KLRG1: variants seen among roughly 807,000 people sequenced by gnomAD.
KLRG1 encodes killer cell lectin like receptor G1.
In KLRG1, 16 loss-of-function variants were observed where a neutral mutation model predicts 21.8. The observed-to-expected ratio is 0.73, with a 90% CI of 0.50 to 1.11. The LOEUF is 1.11. KLRG1 is among the 50% of genes most tolerant of loss of function. The pLI is 0.00. For synonymous variants in KLRG1, 69 were observed against 75.9 expected (o/e 0.91, Z 0.47); for missense variants, 173 against 218.3 (o/e 0.79, Z 1.31).
the KLRG1 span, among the ~76,000 whole-genome samples, chr12:9,118,151 G>A: frequency 6.6e-6 from 1 of 152,192 alleles, no homozygotes; most frequent in African/African-American, 2.4e-5. Flanking sequence ...GGAAACATCT[G>A]TTTCATATAC....
the KLRG1 span, among the ~76,000 whole-genome samples, chr12:9,120,865 G>A: frequency 1.3e-5 from 2 of 150,776 alleles, no homozygotes; most frequent in Non-Finnish European, 3.0e-5. Flanking sequence ...GTGTGTGTGT[G>A]TGTGTGTGTG....
chr12:9,001,132 G>T (rs1012362830), intron 3 of KLRG1, among the ~76,000 whole-genome samples: 5 of 152,082 alleles, frequency 3.3e-5, no homozygotes, highest in African/African-American at 1.2e-4. Flanking sequence ...CAAGTAATAT[G>T]CTCTATATTT....
At chr12:9,055,559 A>T in the KLRG1 span, 2 of 152,270 alleles carry the variant, frequency 1.3e-5, no homozygotes, top group East Asian at 1.9e-4. Flanking sequence ...CATGGAGTAA[A>T]TTTGCATTAA....
chr12:9,184,207 A>C, the KLRG1 span, among the ~76,000 whole-genome samples: 1 of 152,172 alleles, frequency 6.6e-6, no homozygotes, highest in African/African-American at 2.4e-5. Flanking sequence ...CTCCTACCAC[A>C]CAGCCACTGA....
At chr12:9,160,153 A>T in the KLRG1 span, 1 of 1,139,038 alleles carries the variant, frequency 8.8e-7, no homozygotes, top group South Asian at 1.5e-5. Context: ...AGTTTTGTGA[A>T]TGTTATGGAT....
the KLRG1 span, among the ~76,000 whole-genome samples, chr12:9,146,413 A>C: frequency 6.6e-6 from 1 of 152,040 alleles, no homozygotes; most frequent in African/African-American, 2.4e-5. Flanking sequence ...CTCACTGCTC[A>C]TACATTGTTC....
downstream of KLRG1, among the ~76,000 whole-genome samples, chr12:9,014,211 A>G (rs898568344): frequency 2.0e-5 from 3 of 152,206 alleles, no homozygotes; most frequent in African/African-American, 7.2e-5. Context: ...AGGGATAACA[A>G]CAGGGAACTC....
the KLRG1 span, among the ~76,000 whole-genome samples, chr12:9,165,748 C>G: frequency 1.3e-5 from 2 of 152,198 alleles, no homozygotes; most frequent in African/African-American, 4.8e-5. Context: ...TGTGCCTGCT[C>G]CAGCCCTGAT....
the KLRG1 span, among the ~76,000 whole-genome samples, chr12:9,211,224 T>C: frequency 8.5e-5 from 13 of 152,184 alleles, no homozygotes; most frequent in Non-Finnish European, 1.6e-4. Context: ...CTTCTAGGAC[T>C]CCCATAATAT....
chr12:9,182,362 A>G, the KLRG1 span, among the ~76,000 whole-genome samples: 4 of 152,132 alleles, frequency 2.6e-5, no homozygotes, highest in African/African-American at 9.7e-5. Context: ...TTTTTATTTG[A>G]TATTCCACTT....
At chr12:9,141,573 G>GAATT in the KLRG1 span, among the ~76,000 whole-genome samples, 48 of 152,134 alleles carry the variant, frequency 3.2e-4, no homozygotes, top group African/African-American at 1.1e-3. Flanking sequence ...TTTACACACA[G>GAATT]AATTTCCTTT....
the KLRG1 span, chr12:9,150,774 A>C: frequency 7.3e-7 from 1 of 1,375,402 alleles, no homozygotes; most frequent in Non-Finnish European, 1.0e-6. Flanking sequence ...AGTAATCAAG[A>C]ACCTAGAAAA....
At chr12:9,158,091 C>A in the KLRG1 span, among the ~76,000 whole-genome samples, 1 of 152,174 alleles carries the variant, frequency 6.6e-6, no homozygotes. Flanking sequence ...GCTGCAACTA[C>A]AGGCACAGGC....
the KLRG1 span, chr12:9,058,998 T>C: frequency 2.0e-5 from 3 of 152,538 alleles, no homozygotes; most frequent in African/African-American, 7.2e-5. Flanking sequence ...GTTAAATTCA[T>C]TTAAATGAGT....
Position 9,010,186 on chromosome 12 carries a change from T to TA in KLRG1, c.*664dup, listed in dbSNP as rs35591560. On this transcript the variant is annotated 3_prime_UTR_variant, in exon 5 of 5. Transcript: ENST00000356986. Reference sequence around the variant, plus strand: ...GGGAGATAGAGCAAGACTCCATCTCTAAAAAAAAAAAAAAATGCTAATGTG... The same window carrying TA: ...GGGAGATAGAGCAAGACTCCATCTCTAAAAAAAAAAAAAAAATGCTAATGTG... The TA allele has an allele frequency of 0.05, 21,032 of 418,678 alleles. 228 individuals are homozygous for TA. The highest frequency in any genetic ancestry group is 0.11 in the African/African-American group (4,957 of 45,704). 25.9% of individuals were successfully genotyped at this position (418,678 alleles called of 1,614,324 possible). A position where few individuals can be genotyped will look rare whatever the true frequency, so the allele number is the denominator to read the frequency against.
chr12:9,141,194 AAT>A, the KLRG1 span, among the ~76,000 whole-genome samples: 2 of 152,220 alleles, frequency 1.3e-5, no homozygotes, highest in African/African-American at 4.8e-5. Flanking sequence ...ATATATCAGA[AAT>A]ATAGGAGTCT....
At chr12:9,095,833 C>T in the KLRG1 span, 6 of 679,548 alleles carry the variant, frequency 8.8e-6, no homozygotes, top group Non-Finnish European at 1.1e-5. Context: ...AATCTCGGCT[C>T]ACTGCAAGCT....
the KLRG1 span, chr12:9,028,204 T>A: frequency 3.4e-6 from 2 of 580,578 alleles, no homozygotes; most frequent in Non-Finnish European, 6.1e-6. Flanking sequence ...TAGGCTGGAA[T>A]GCAATGGTGT....
At chr12:9,193,801 G>A in the KLRG1 span, among the ~76,000 whole-genome samples, 2 of 152,090 alleles carry the variant, frequency 1.3e-5, no homozygotes, top group Non-Finnish European at 2.9e-5. Flanking sequence ...AATTACTGAA[G>A]CAGCTGATAT....
Sources: allele counts gnomAD v4.1 joint callset (sites outside exome capture counted in the v4.1 genomes callset), GRCh38; gene constraint gnomAD v4.1.1; transcripts MANE v1.5; gene names NCBI Gene and HGNC (gene_info 2026-07-23, HGNC 2026-07-21).